Variants in ANO2 observed in about 807,000 individuals in gnomAD.
ANO2 encodes the protein anoctamin-2.
A neutral mutation model predicts 124.2 loss-of-function variants in ANO2; 101 were observed. The observed-to-expected ratio is 0.81, with a 90% CI of 0.69 to 0.96. The LOEUF (loss-of-function observed/expected upper bound fraction) is 0.96, where lower values mean the gene tolerates loss of function less well. Ranked by LOEUF, ANO2 falls within the 40% of genes least tolerant of loss-of-function variation. ANO2 has a pLI of 0.00. For synonymous variants in ANO2, 486 were observed against 482.5 expected, an observed-to-expected ratio of 1.01 and a Z score of -0.09; for missense variants, 1,293 against 1,274.5, an observed-to-expected ratio of 1.01 and a Z score of -0.22.
chr12:5,718,929 C>T (rs545953042), intron 14 of ANO2, among the ~76,000 whole-genome samples: 1 of 152,344 alleles, frequency 6.6e-6, no homozygotes, highest in African/African-American at 2.4e-5. Context: ...GCTGGGCCAC[C>T]TCCTACTGAT....
At chr12:5,696,083 C>T (rs958402811) in intron 14 of ANO2, among the ~76,000 whole-genome samples, 1 of 151,288 alleles carries the variant, frequency 6.6e-6, no homozygotes, top group Non-Finnish European at 1.5e-5. Flanking sequence ...ATGAGTTAAA[C>T]ATCCAACAAC....
At chr12:5,603,518 G>C (rs1448888151) in intron 19 of ANO2, among the ~76,000 whole-genome samples, 1 of 152,192 alleles carries the variant, frequency 6.6e-6, no homozygotes, top group Non-Finnish European at 1.5e-5. Context: ...GAGAAAGGTG[G>C]AGAGAGTGTG....
At chr12:5,750,559 G>A (rs942477376) in intron 11 of ANO2, among the ~76,000 whole-genome samples, 6 of 152,208 alleles carry the variant, frequency 3.9e-5, no homozygotes, top group African/African-American at 1.4e-4. Context: ...TTCTTACCAG[G>A]AATTATCTGC....
intron 15 of ANO2, among the ~76,000 whole-genome samples, chr12:5,641,759 T>A (rs896798447): frequency 1.3e-5 from 2 of 152,242 alleles, no homozygotes; most frequent in Non-Finnish European, 2.9e-5. Context: ...AATCTTGCAT[T>A]TATATCAAGA....
chr12:5,594,628 G>A (rs1943570952), intron 20 of ANO2, among the ~76,000 whole-genome samples: 1 of 152,166 alleles, frequency 6.6e-6, no homozygotes. Flanking sequence ...TTGAGTTCTG[G>A]AGTTAGAGAC....
In ANO2 at chr12:5,594,867, G is replaced by GT. The variant is rs200537400; in HGVS notation, c.2233+4616dup. On this transcript the variant is annotated intron_variant, in intron 20 of 24. Transcript: ENST00000682330. ...CAAAACAACAACAACAACAAAAACA[G>GT]TTACTCATGGCCAGGAGACTCGCTG... 8.0e-3 allele frequency among the ~76,000 whole-genome samples: 1,225 copies of GT among 152,176 alleles called. 19 individuals are homozygous for GT. The highest frequency in any genetic ancestry group is 0.026 in the African/African-American group (1,086 of 41,530).
chr12:5,888,645 A>T (rs1227130059), intron 3 of ANO2, among the ~76,000 whole-genome samples: 1 of 152,148 alleles, frequency 6.6e-6, no homozygotes, highest in Non-Finnish European at 1.5e-5. Context: ...CCACGTCCCC[A>T]CTAGATTAGC....
intron 14 of ANO2, among the ~76,000 whole-genome samples, chr12:5,726,038 G>C (rs1950424875): frequency 6.6e-6 from 1 of 151,778 alleles, no homozygotes; most frequent in Non-Finnish European, 1.5e-5. Context: ...TTACCATCTT[G>C]TAGGAACAGA....
At chr12:5,807,899 C>CA (rs1953251257) in intron 7 of ANO2, among the ~76,000 whole-genome samples, 1 of 152,190 alleles carries the variant, frequency 6.6e-6, no homozygotes, top group Non-Finnish European at 1.5e-5. Flanking sequence ...CCCTGGGAGT[C>CA]CTCATGAGGC....
At chr12:5,620,025 A>G (rs1026114269) in intron 16 of ANO2, among the ~76,000 whole-genome samples, 1 of 152,236 alleles carries the variant, frequency 6.6e-6, no homozygotes, top group African/African-American at 2.4e-5. Flanking sequence ...CTGTTGAACC[A>G]GTGGTCAGTT....
At position 5,643,075 on chromosome 12, in the gene ANO2, C is replaced by T. The variant is rs181095942; in HGVS notation, c.1620+4652G>A. ...GAAAAATCCATTTTACACACACACACACACACACACACAATGAATAAAACA... is the reference window on the plus strand; with the variant it reads ...GAAAAATCCATTTTACACACACACATACACACACACACAATGAATAAAACA... On this transcript the variant is annotated intron_variant, in intron 15 of 24. Coordinates refer to ENST00000682330, the MANE Select transcript of ANO2 (RefSeq NM_001364791.2). Among the ~76,000 whole-genome samples, 242 of 152,084 alleles carry T rather than the reference C, an allele frequency of 1.6e-3. 3 individuals are homozygous for T. The highest frequency in any genetic ancestry group is 3.4e-3 in the Middle Eastern group (1 of 294).
At position 5,854,089 on chromosome 12, in the gene ANO2, A is replaced by C; in HGVS notation, c.587T>G (p.Leu196Arg). Residue 196 changes from leucine to arginine, a missense_variant, in exon 4 of 25, where the codon CTG becomes CGG. Leu to Arg is a moderately radical substitution (Grantham distance 102). Coordinates refer to ENST00000682330, the MANE Select transcript of ANO2 (RefSeq NM_001364791.2). ...FVRIHAPWQV[L>R]AREAEFLKIK... ...CTTCAAGAATTCTGCCTCTCTGGCC[A>C]GCACCTGCCACGGGGCGTGTATCCG... 1 of 1,613,660 alleles carries C rather than the reference A, an allele frequency of 6.2e-7. No homozygotes were observed. Among genetic ancestry groups the C allele is most frequent in the South Asian group, 1.1e-5 (1 of 91,082 alleles).
At chr12:5,829,700 T>C (rs985651354) in intron 6 of ANO2, among the ~76,000 whole-genome samples, 1 of 152,220 alleles carries the variant, frequency 6.6e-6, no homozygotes, top group Non-Finnish European at 1.5e-5. Context: ...CCATAGGCTA[T>C]GTGACCTCTA....
chr12:5,619,621 T>C (rs1048673967), intron 16 of ANO2, among the ~76,000 whole-genome samples: 1 of 152,144 alleles, frequency 6.6e-6, no homozygotes, highest in Non-Finnish European at 1.5e-5. Context: ...TAATTTTTCC[T>C]GTGAGGTCCT....
At chr12:5,680,606 A>G (rs1205847856) in intron 14 of ANO2, among the ~76,000 whole-genome samples, 3 of 152,196 alleles carry the variant, frequency 2.0e-5, no homozygotes, top group Non-Finnish European at 4.4e-5. Context: ...CCCTGATCAA[A>G]AGGGGGAACA....
At chr12:5,928,776 T>C (rs371059154) in intron 1 of ANO2, among the ~76,000 whole-genome samples, 2 of 70,744 alleles carry the variant, frequency 2.8e-5, no homozygotes, top group Non-Finnish European at 5.4e-5. Context: ...CTTCTTTCCT[T>C]ATTAGTCACT....
chr12:5,834,938 A>G lies in ANO2; in HGVS notation c.634-2335T>C, dbSNP rs113088845. On this transcript the variant is annotated intron_variant, in intron 4 of 24. Transcript: ENST00000682330. ...ATTTGCTTTTTTTTCATTTAGCATC[A>G]TATCATAGATATCTTTCCAGGACAG... Among the ~76,000 whole-genome samples the G allele has an allele frequency of 8.4e-3, 1,285 of 152,266 alleles. 22 individuals are homozygous for G. The highest frequency in any genetic ancestry group is 0.028 in the African/African-American group (1,158 of 41,554).
chr12:5,832,408 C>T, intron 5 of ANO2, 44 bp downstream of exon 5: 3 of 1,610,120 alleles, frequency 1.9e-6, no homozygotes. Flanking sequence ...AATTTTCCTT[C>T]CTATCCCTTC....
At chr12:5,565,431 C>T in intron 24 of ANO2, 127 bp downstream of exon 24, 3 of 833,536 alleles carry the variant, frequency 3.6e-6, no homozygotes, top group Admixed American at 2.7e-5. Flanking sequence ...TTCTGCCTGC[C>T]ACACATGAAG....
Sources: allele counts gnomAD v4.1 joint callset (sites outside exome capture counted in the v4.1 genomes callset), GRCh38; gene constraint gnomAD v4.1.1; transcripts MANE v1.5; gene names NCBI Gene and HGNC (gene_info 2026-07-23, HGNC 2026-07-21).